MAP7D1: variants seen among roughly 807,000 people sequenced by gnomAD.
MAP7D1 encodes MAP7 domain containing 1.
MAP7D1 carries 30 observed loss-of-function variants against 97.5 expected under a neutral mutation model. The ratio of observed to expected loss-of-function variants is 0.31; its 90% CI spans 0.23 to 0.42. MAP7D1 has a LOEUF of 0.42. Among genes scored for constraint, MAP7D1 ranks in the 10% least tolerant of loss-of-function variants. MAP7D1 has a pLI of 1.00. For missense variants in MAP7D1, 1,184 were observed against 1,179.5 expected, an observed-to-expected ratio of 1.00 and a Z score of -0.06; for synonymous variants, 536 against 477.1, an observed-to-expected ratio of 1.12 and a Z score of -1.61.
intron 6 of MAP7D1, among the ~76,000 whole-genome samples, chr1:36,175,832 C>G (rs186915947): frequency 1.5e-3 from 227 of 152,326 alleles, no homozygotes; most frequent in Non-Finnish European, 2.1e-3. Flanking sequence ...CTGGGTCAGC[C>G]CTCTGACAGC....
chr1:36,171,003 C>T lies in MAP7D1; in HGVS notation c.79C>T (p.Pro27Ser). ...VVARTPPEPRPSPEGDPSPPP... is the reference protein window; with the variant it reads ...VVARTPPEPRSSPEGDPSPPP... ...CGCCAGGACCCCCCCAGAGCCAAGA[C>T]CTTCTCCAGAAGGTGACCCTTCCCC... Residue 27 changes from proline to serine, a missense_variant, in exon 2 of 17, where the codon CCT becomes TCT. Coordinates refer to ENST00000474796, the MANE Select transcript of MAP7D1 (RefSeq NM_001388490.1). The T allele has an allele frequency of 6.4e-7, 1 of 1,552,486 alleles. No homozygotes were observed. The highest frequency in any genetic ancestry group is 8.8e-7 in the Non-Finnish European group (1 of 1,131,400).
Position 36,180,270 on chromosome 1 carries a change from T to A in MAP7D1, c.*12T>A. ...CAGAAGTCCTTTAAGAGGGTTTGCCTTGGATCCGGGCACAGTTGTGAGGGC... is the reference window on the plus strand; with the variant it reads ...CAGAAGTCCTTTAAGAGGGTTTGCCATGGATCCGGGCACAGTTGTGAGGGC... On this transcript the variant is annotated 3_prime_UTR_variant, in exon 17 of 17. Transcript: ENST00000474796. 1 of 1,614,188 alleles carries A rather than the reference T, an allele frequency of 6.2e-7. No homozygotes were observed. Among genetic ancestry groups the A allele is most frequent in the Non-Finnish European group, 8.5e-7 (1 of 1,180,022 alleles).
chr1:36,168,870 C>T (rs774025644), intron 1 of MAP7D1, among the ~76,000 whole-genome samples: 11 of 152,104 alleles, frequency 7.2e-5, no homozygotes, highest in Non-Finnish European at 1.3e-4. Flanking sequence ...CTCAAATTAC[C>T]TCTTTTTTTT....
chr1:36,174,321 G>T (rs1644587695), intron 5 of MAP7D1, among the ~76,000 whole-genome samples: 1 of 152,154 alleles, frequency 6.6e-6, no homozygotes, highest in African/African-American at 2.4e-5. Context: ...TGTGCATCTG[G>T]GTCTGACACA....
chr1:36,171,520 G>T lies in MAP7D1; in HGVS notation c.399G>T (p.Lys133Asn). ...CTTGTTCCCTCTGCTCAGAGGTGAA[G>T]AAGGCAGGAGAGAGACACAAGCTGG... The part of the protein sequence containing the change: ...SDSPPTKQEV[K>N]KAGERHKLAK... The change falls in exon 3 of 17, where the codon AAG becomes AAT. Residue 133 changes from lysine (K) to asparagine (N), a missense_variant. By Grantham distance (94) the Lys-to-Asn change is moderately conservative (BLOSUM62 0). Coordinates refer to ENST00000474796, the MANE Select transcript of MAP7D1 (RefSeq NM_001388490.1). The T allele has an allele frequency of 6.2e-7, 1 of 1,614,220 alleles. No homozygotes were observed. Among genetic ancestry groups the T allele is most frequent in the Non-Finnish European group, 8.5e-7 (1 of 1,180,032 alleles).
chr1:36,163,822 T>C (rs969945758), intron 1 of MAP7D1, among the ~76,000 whole-genome samples: 5 of 30,626 alleles, frequency 1.6e-4, no homozygotes, highest in South Asian at 9.5e-4. Flanking sequence ...TTTTTCTTTT[T>C]TTTTTTTTTT....
chr1:36,179,872 A>G lies in MAP7D1; in HGVS notation c.2319-2A>G, dbSNP rs1222553173. 2 of 1,610,448 alleles carry G rather than the reference A, an allele frequency of 1.2e-6. No homozygotes were observed. The highest frequency in any genetic ancestry group is 1.7e-6 in the Non-Finnish European group (2 of 1,177,710). ...GCTGAGCCTTGGCCTCTGCATCCAC[A>G]GTCTCCCAAGCAAGGAGTTGCCAGC... On this transcript the variant is annotated splice_acceptor_variant, in intron 15 of 16. Coordinates refer to ENST00000474796, the MANE Select transcript of MAP7D1 (RefSeq NM_001388490.1). LOFTEE classifies it high-confidence loss of function.
At position 36,159,936 on chromosome 1, in the gene MAP7D1, C is replaced by G. The variant is rs768964433; in HGVS notation, c.46+3473C>G. Among the ~76,000 whole-genome samples, 4 of 152,286 alleles carry G rather than the reference C, an allele frequency of 2.6e-5. No individual in the cohort carries two copies. Among genetic ancestry groups the G allele is most frequent in the Middle Eastern group, 3.4e-3 (1 of 294 alleles). ...CCCAATAATGAGGCCTCTAATGAGC[C>G]CCTAATGTGCAGTCACGCATATGCA... On this transcript the variant is annotated intron_variant, in intron 1 of 16. Coordinates refer to ENST00000474796, the MANE Select transcript of MAP7D1 (RefSeq NM_001388490.1). The surrounding 1 kb of genome is among the most constrained non-coding windows in gnomAD (Gnocchi z 5.4).
intron 8 of MAP7D1, chr1:36,177,665 T>TA: frequency 1.2e-6 from 1 of 808,898 alleles, no homozygotes; most frequent in Non-Finnish European, 2.0e-6. Context: ...GCGGGGGACA[T>TA]ACAATAATCA....
In MAP7D1 at chr1:36,159,231, T is replaced by C. The variant is rs1644377705; in HGVS notation, c.46+2768T>C. 6.6e-6 allele frequency among the ~76,000 whole-genome samples: 1 copy of C among 152,138 alleles called. No homozygotes were observed. Among genetic ancestry groups the C allele is most frequent in the South Asian group, 2.1e-4 (1 of 4,834 alleles). On this transcript the variant is annotated intron_variant, in intron 1 of 16. Transcript: ENST00000474796. The surrounding 1 kb of genome is among the most constrained non-coding windows in gnomAD (Gnocchi z 5.4). ...TGCCACCGCGCCCGGCTAATTTTTGTATTTTTAGTAGAGACAGGGTTTTGC... is the reference window on the plus strand; with the variant it reads ...TGCCACCGCGCCCGGCTAATTTTTGCATTTTTAGTAGAGACAGGGTTTTGC...
At chr1:36,173,508 G>A (rs1332015589) in intron 5 of MAP7D1, 30 bp downstream of exon 5, 14 of 1,522,126 alleles carry the variant, frequency 9.2e-6, no homozygotes, top group Non-Finnish European at 1.3e-5. Flanking sequence ...TGGGGAGTGG[G>A]TGGGCAAGGC....
intron 13 of MAP7D1, 60 bp downstream of exon 13, chr1:36,179,375 G>A (rs893866640): frequency 6.2e-7 from 1 of 1,603,082 alleles, no homozygotes. Context: ...AAAGGAGGCT[G>A]CGGAAAGGCA....
intron 5 of MAP7D1, 54 bp downstream of exon 5, chr1:36,173,532 A>T (rs1394827850): frequency 2.9e-6 from 4 of 1,372,476 alleles, no homozygotes; most frequent in Non-Finnish European, 4.0e-6. Flanking sequence ...GATGGCAAGT[A>T]AGGGAAGGGA....
In MAP7D1 at chr1:36,180,489, C is replaced by A. The variant is rs961786271; in HGVS notation, c.*231C>A. On this transcript the variant is annotated 3_prime_UTR_variant, in exon 17 of 17. Coordinates refer to ENST00000474796, the MANE Select transcript of MAP7D1 (RefSeq NM_001388490.1). Reference sequence around the variant, plus strand: ...GCACGCGCAGACATCCCTTCTCCCCCATACACACATATACACTCACAGCCT... The same window carrying A: ...GCACGCGCAGACATCCCTTCTCCCCAATACACACATATACACTCACAGCCT... 46 of 602,698 alleles carry A rather than the reference C, an allele frequency of 7.6e-5. No individual in the cohort carries two copies. Among genetic ancestry groups the A allele is most frequent in the Non-Finnish European group, 1.3e-4 (44 of 338,430 alleles). 37.3% of individuals were successfully genotyped at this position (602,698 alleles called of 1,614,324 possible).
At position 36,178,083 on chromosome 1, in the gene MAP7D1, G is replaced by T. The variant is rs1323984614; in HGVS notation, c.1590G>T (p.Lys530Asn). Residue 530 changes from lysine to asparagine, a missense_variant, in exon 9 of 17, where the codon AAG becomes AAT. Transcript: ENST00000474796. ...GGCCCGAGGACAAGAGCCAGAGCAA[G>T]CGCAGGGCCAGTAACGAGAAGGAGT... ...AAGPEDKSQS[K>N]RRASNEKESA... The T allele has an allele frequency of 3.1e-6, 5 of 1,607,882 alleles. No individual in the cohort carries two copies. Among genetic ancestry groups the T allele is most frequent in the Non-Finnish European group, 4.2e-6 (5 of 1,177,536 alleles).
At chr1:36,180,126 C>T (rs964637957) in intron 16 of MAP7D1, 59 bp downstream of exon 16, 1 of 1,610,400 alleles carries the variant, frequency 6.2e-7, no homozygotes. Flanking sequence ...CCCTGTACTC[C>T]TCAGCCCTGC....
Position 36,156,434 on chromosome 1 carries a change from G to A in MAP7D1, c.17G>A (p.Arg6His). Residue 6 changes from arginine to histidine, a missense_variant, in exon 1 of 17, where the codon CGT becomes CAT. By Grantham distance (29) the Arg-to-His change is conservative. Transcript: ENST00000474796. MESGP[R>H]AELGAGAPPA... ...GCCGCAGCCATGGAGAGCGGCCCGC[G>A]TGCGGAGCTGGGGGCGGGCGCACCC... 6.8e-7 allele frequency: 1 copy of A among 1,478,862 alleles called. No homozygotes were observed. Among genetic ancestry groups the A allele is most frequent in the Non-Finnish European group, 8.9e-7 (1 of 1,122,702 alleles). 91.6% of individuals were successfully genotyped at this position (1,478,862 alleles called of 1,614,324 possible). A position where few individuals can be genotyped will look rare whatever the true frequency, so the allele number is the denominator to read the frequency against.
At chr1:36,156,718 TG>T (rs1644336141) in intron 1 of MAP7D1, among the ~76,000 whole-genome samples, 2 of 151,838 alleles carry the variant, frequency 1.3e-5, no homozygotes, top group Admixed American at 1.3e-4. Flanking sequence ...CGGGAGTTGT[TG>T]GGGTGACCCT....
In MAP7D1 at chr1:36,171,245, AC is replaced by A; in HGVS notation, c.323del (p.Pro108LeufsTer25). The A allele has an allele frequency of 6.2e-7, 1 of 1,604,574 alleles. No individual in the cohort carries two copies. Among genetic ancestry groups the A allele is most frequent in the African/African-American group, 1.3e-5 (1 of 74,478 alleles). The part of the protein sequence containing the change: ...PPAMGPRDAR[P>X]PRRSSQPSPT... ...CAGCCATGGGCCCACGGGATGCCAG[AC>A]CTCCTCGAAGGAGCAGCCAGCCATC... On this transcript the variant is annotated frameshift_variant, in exon 2 of 17. Transcript: ENST00000474796. LOFTEE classifies it high-confidence loss of function.
Sources: allele counts gnomAD v4.1 joint callset (sites outside exome capture counted in the v4.1 genomes callset), GRCh38; gene constraint gnomAD v4.1.1; non-coding constraint Gnocchi (gnomAD v3.1); transcripts MANE v1.5; gene names NCBI Gene and HGNC (gene_info 2026-07-23, HGNC 2026-07-21).